The following VPS39 variants were observed in gnomAD, a reference collection of about 807,000 sequenced individuals.
The protein encoded by VPS39 is VPS39 subunit of HOPS complex, also known as vam6/Vps39-like protein.
In VPS39, 70 loss-of-function variants were observed where a neutral mutation model predicts 121.0. The observed-to-expected ratio is 0.58, with a 90% CI of 0.48 to 0.71. VPS39 has a LOEUF of 0.71. Ranked by LOEUF, VPS39 falls within the 30% of genes least tolerant of loss-of-function variation. The pLI is 0.00. For synonymous variants in VPS39, 378 were observed against 398.1 expected, an observed-to-expected ratio of 0.95 and a Z score of 0.60; for missense variants, 818 against 1,051.5, an observed-to-expected ratio of 0.78 and a Z score of 3.07.
intron 8 of VPS39, among the ~76,000 whole-genome samples, chr15:42,180,773 T>C (rs1441160881): frequency 1.3e-5 from 2 of 152,230 alleles, no homozygotes; most frequent in African/African-American, 4.8e-5. Context: ...TTTCTATGAC[T>C]ATATTCTGTG....
In VPS39 at chr15:42,160,831, T is replaced by C. The variant is rs755820533; in HGVS notation, c.2553-2A>G. 42 of 1,613,950 alleles carry C rather than the reference T, an allele frequency of 2.6e-5. No individual in the cohort carries two copies. Among genetic ancestry groups the C allele is most frequent in the Non-Finnish European group, 3.5e-5 (41 of 1,179,954 alleles). On this transcript the variant is annotated splice_acceptor_variant, in intron 24 of 24. Transcript: ENST00000318006. LOFTEE classifies it high-confidence loss of function. Reference sequence around the variant, plus strand: ...CCATTGGGGTATCTTGCAAATGCACTGCAGGGAAGAAAATGGCTTGGGAGT... The same window carrying C: ...CCATTGGGGTATCTTGCAAATGCACCGCAGGGAAGAAAATGGCTTGGGAGT...
rs1381957303 is a variant in VPS39, at chr15:42,159,360, C to G, written c.*1394G>C. 1.3e-5 allele frequency: 2 copies of G among 152,338 alleles called. No individual in the cohort carries two copies. Among genetic ancestry groups the G allele is most frequent in the African/African-American group, 4.8e-5 (2 of 41,442 alleles). The allele number at this position is 152,338 out of a possible 1,614,324, so 9.4% of individuals were successfully genotyped here. A position where few individuals can be genotyped will look rare whatever the true frequency, so the allele number is the denominator to read the frequency against. On this transcript the variant is annotated 3_prime_UTR_variant, in exon 25 of 25. Coordinates refer to ENST00000318006, the MANE Select transcript of VPS39 (RefSeq NM_015289.5). ...AAACTGTTGGTGCTGGGCACCATCACCCACCCTCACCACCATCAAAGACAC... is the reference window on the plus strand; with the variant it reads ...AAACTGTTGGTGCTGGGCACCATCAGCCACCCTCACCACCATCAAAGACAC...
At position 42,189,142 on chromosome 15, in the gene VPS39, CCCTTTG is replaced by C; in HGVS notation, c.308_313del (p.Ala103_Lys104del). ...GAGGTCACAAGTAAACAGTGATGCTCCCTTTGCCTTTGAAACCGTAGTGATTTGTTG... is the reference window on the plus strand; with the variant it reads ...GAGGTCACAAGTAAACAGTGATGCTCCCTTTGAAACCGTAGTGATTTGTTG... On this transcript the variant is annotated inframe_deletion, in exon 5 of 25. Coordinates refer to ENST00000318006, the MANE Select transcript of VPS39 (RefSeq NM_015289.5). 1 of 1,613,942 alleles carries C rather than the reference CCCTTTG, an allele frequency of 6.2e-7. No homozygotes were observed. The highest frequency in any genetic ancestry group is 8.5e-7 in the Non-Finnish European group (1 of 1,179,900).
rs2049216073 is a variant in VPS39, at chr15:42,165,100, T to C, written c.1793A>G (p.His598Arg). The change falls in exon 18 of 25, where the codon CAT becomes CGT. Residue 598 changes from histidine to arginine, a missense_variant. By Grantham distance (29) the His-to-Arg change is conservative. Coordinates refer to ENST00000318006, the MANE Select transcript of VPS39 (RefSeq NM_015289.5). Reference sequence around the variant, plus strand: ...CCGAGAGCCTGTCTCCTCCCAAACATGGATGATGTGTTCCTGAGGCAAGAT... The same window carrying C: ...CCGAGAGCCTGTCTCCTCCCAAACACGGATGATGTGTTCCTGAGGCAAGAT... ...LAIPYLEHII[H>R]VWEETGSRFH... 1.2e-6 allele frequency: 2 copies of C among 1,614,036 alleles called. No homozygotes were observed. The highest frequency in any genetic ancestry group is 1.6e-4 in the Middle Eastern group (1 of 6,082).
Position 42,162,321 on chromosome 15 carries a change from C to A in VPS39, c.2325+11G>T. 6.2e-7 allele frequency: 1 copy of A among 1,604,836 alleles called. No homozygotes were observed. The highest frequency in any genetic ancestry group is 1.7e-4 in the Middle Eastern group (1 of 6,022). Reference sequence around the variant, plus strand: ...CAAACACCCTCCATCTCCCTAGGAACAACTCCTGACCTTGGTGGTGTCCAG... The same window carrying A: ...CAAACACCCTCCATCTCCCTAGGAAAAACTCCTGACCTTGGTGGTGTCCAG... On this transcript the variant is annotated intron_variant, in intron 22 of 24. Transcript: ENST00000318006.
chr15:42,196,157 T>C (rs915334517), intron 2 of VPS39, among the ~76,000 whole-genome samples: 2 of 152,080 alleles, frequency 1.3e-5, no homozygotes, highest in African/African-American at 2.4e-5. Context: ...TTACACCTTA[T>C]ACAAAAATTA....
At chr15:42,160,962 C>T (rs1168655985) in intron 24 of VPS39, 133 bp from the exon 25 acceptor site, 2 of 817,622 alleles carry the variant, frequency 2.4e-6, no homozygotes, top group East Asian at 5.1e-5. Context: ...CCTCAAAGAA[C>T]AGCCTGCCTG....
chr15:42,200,356 T>C (rs536034660), intron 1 of VPS39, among the ~76,000 whole-genome samples: 40 of 152,216 alleles, frequency 2.6e-4, no homozygotes, highest in African/African-American at 8.7e-4. Context: ...TATTTTTAAA[T>C]TCTGCTAAAA....
rs769319192 is a variant in VPS39, at chr15:42,173,780, G to A, written c.1033C>T (p.Leu345Phe). ...TCATCAAAACGCTTCTGGCAGAAGA[G>A]GTTGAAGGCATACAAGTTCTTGATG... Reference protein sequence around the residue: ...HHIKNLYAFNLFCQKRFDESM... With the variant: ...HHIKNLYAFNFFCQKRFDESM... Residue 345 changes from leucine (L) to phenylalanine (F), a missense_variant, in exon 11 of 25, where the codon CTC becomes TTC. By Grantham distance (22) the Leu-to-Phe change is conservative. Transcript: ENST00000318006. 4 of 1,614,072 alleles carry A rather than the reference G, an allele frequency of 2.5e-6. No individual in the cohort carries two copies. The highest frequency in any genetic ancestry group is 2.7e-5 in the African/African-American group (2 of 74,914).
At chr15:42,207,006 T>C (rs1165410178) in intron 1 of VPS39, among the ~76,000 whole-genome samples, 5 of 152,240 alleles carry the variant, frequency 3.3e-5, no homozygotes, top group Non-Finnish European at 5.9e-5. Context: ...AACTGCTTAC[T>C]GTGGAGGTAT....
rs199811682 is a variant in VPS39, at chr15:42,161,771, G to T, written c.2463C>A (p.Val821=). The T allele has an allele frequency of 1.2e-6, 2 of 1,614,112 alleles. No individual in the cohort carries two copies. The highest frequency in any genetic ancestry group is 1.7e-6 in the Non-Finnish European group (2 of 1,180,020). ...GCTGGTGTAAAATCCGCTCTTCCTG[G>T]ACCTGGAAGAACAGGGGGATTGAGG... ...KNLLHAEFLR[V]QEERILHQQV... Residue 821 remains valine (V), a splice_region_variant and synonymous_variant, in exon 24 of 25, where the codon GTC becomes GTA. Coordinates refer to ENST00000318006, the MANE Select transcript of VPS39 (RefSeq NM_015289.5).
Position 42,189,122 on chromosome 15 carries a change from C to T in VPS39, c.334G>A (p.Asp112Asn). The T allele has an allele frequency of 6.2e-7, 1 of 1,613,672 alleles. No individual in the cohort carries two copies. Among genetic ancestry groups the T allele is most frequent in the Non-Finnish European group, 8.5e-7 (1 of 1,179,660 alleles). Residue 112 changes from aspartate to asparagine, a missense_variant, in exon 5 of 25, where the codon GAC becomes AAC. Transcript: ENST00000318006. Reference sequence around the variant, plus strand: ...ATCTTGGGTAAACTTACCTGGAGGTCACAAGTAAACAGTGATGCTCCCTTT... The same window carrying T: ...ATCTTGGGTAAACTTACCTGGAGGTTACAAGTAAACAGTGATGCTCCCTTT... ...KAKGASLFTC[D>N]LQHTETGEEV...
At chr15:42,177,388 G>T (rs963286559) in intron 10 of VPS39, among the ~76,000 whole-genome samples, 4 of 152,012 alleles carry the variant, frequency 2.6e-5, no homozygotes, top group Admixed American at 2.0e-4. Context: ...ATTTTGCTGT[G>T]AACAAGATCC....
chr15:42,167,487 G>A lies in VPS39; in HGVS notation c.1284C>T (p.Ser428=). 3 of 1,614,142 alleles carry A rather than the reference G, an allele frequency of 1.9e-6. 1 individual carries two copies. Among genetic ancestry groups the A allele is most frequent in the Non-Finnish European group, 8.5e-7 (1 of 1,180,016 alleles). ...KKLNDSDHQS[S]TSPLMEGTPT... ...GAGTGCCTTCCATGAGCGGTGAGGT[G>A]CTTGACTGGTGATCAGAGTCATTCA... The change falls in exon 13 of 25, where the codon AGC becomes AGT. Residue 428 remains serine, a synonymous_variant. Coordinates refer to ENST00000318006, the MANE Select transcript of VPS39 (RefSeq NM_015289.5).
chr15:42,160,943 C>A, intron 24 of VPS39, 114 bp from the exon 25 acceptor site: 2 of 1,029,882 alleles, frequency 1.9e-6, no homozygotes, highest in Non-Finnish European at 3.0e-6. Flanking sequence ...CAAAAGCAGC[C>A]CACCCAAACC....
chr15:42,164,585 C>T, intron 18 of VPS39, 99 bp from the exon 19 acceptor site: 1 of 1,511,622 alleles, frequency 6.6e-7, no homozygotes, highest in Non-Finnish European at 8.8e-7. Context: ...GATGTCACCA[C>T]ATGACCAGAA....
intron 2 of VPS39, among the ~76,000 whole-genome samples, chr15:42,195,325 G>A (rs1035455687): frequency 2.0e-5 from 3 of 152,076 alleles, no homozygotes; most frequent in Non-Finnish European, 2.9e-5. Context: ...CTGTAGTCCC[G>A]GAACTTTGGG....
Position 42,191,153 on chromosome 15 carries a change from G to T in VPS39, c.219C>A (p.Ser73=). The part of the protein sequence containing the change: ...SKKIQQIHVV[S]QFKILVSLLE... ...ACAAGCTGACCAGAATCTTAAACTG[G>T]GAAACCACATGGATCTGGAAAATAG... Residue 73 remains serine, a synonymous_variant, in exon 4 of 25, where the codon TCC becomes TCA. Transcript: ENST00000318006. 4 of 1,614,022 alleles carry T rather than the reference G, an allele frequency of 2.5e-6. No individual in the cohort carries two copies. The highest frequency in any genetic ancestry group is 3.4e-6 in the Non-Finnish European group (4 of 1,179,976).
At chr15:42,191,237 A>C in intron 3 of VPS39, 70 bp from the exon 4 acceptor site, 1 of 1,571,256 alleles carries the variant, frequency 6.4e-7, no homozygotes, top group Non-Finnish European at 8.7e-7. Context: ...TCATTCAATA[A>C]CAGTAATAAA....
Sources: allele counts gnomAD v4.1 joint callset (sites outside exome capture counted in the v4.1 genomes callset), GRCh38; gene constraint gnomAD v4.1.1; transcripts MANE v1.5; gene names NCBI Gene and HGNC (gene_info 2026-07-23, HGNC 2026-07-21).